ADAD1: variants seen among roughly 807,000 people sequenced by gnomAD.
ADAD1 encodes adenosine deaminase domain-containing protein 1.
Under a neutral mutation model 66.8 loss-of-function variants are expected in ADAD1, and 46 were observed. That is an observed-to-expected ratio of 0.69 (90% confidence interval 0.54 to 0.88). The LOEUF is 0.88. ADAD1 is among the 40% of genes least tolerant of loss of function. The probability of loss-of-function intolerance (pLI) is 0.00; values close to 1 mark genes in which losing one functional copy is unlikely to be tolerated. For missense variants in ADAD1, 617 were observed against 681.8 expected (o/e 0.91, Z 1.06); for synonymous variants, 248 against 229.4 (o/e 1.08, Z -0.73).
intron 5 of ADAD1, among the ~76,000 whole-genome samples, chr4:122,387,783 G>A (rs918846072): frequency 4.0e-5 from 6 of 149,126 alleles, no homozygotes; most frequent in Admixed American, 6.7e-5. Context: ...TTTTTGAGAC[G>A]GAGTCTTGCT....
At chr4:122,407,399 G>GT (rs1213446077) in intron 7 of ADAD1, among the ~76,000 whole-genome samples, 3 of 152,148 alleles carry the variant, frequency 2.0e-5, no homozygotes, top group African/African-American at 7.2e-5. Flanking sequence ...ATGGAGCAAA[G>GT]TTACTGGAAA....
At chr4:122,400,420 G>A (rs773196892) in intron 7 of ADAD1, among the ~76,000 whole-genome samples, 36 of 151,828 alleles carry the variant, frequency 2.4e-4, no homozygotes, top group Non-Finnish European at 4.4e-5. Context: ...TTTTTGTTGA[G>A]GATTTTTGCA....
chr4:122,394,556 G>T (rs2150551314), intron 6 of ADAD1, among the ~76,000 whole-genome samples: 1 of 152,262 alleles, frequency 6.6e-6, no homozygotes, highest in Middle Eastern at 3.4e-3. Context: ...GAAGTAAAAG[G>T]ACCAGACCAG....
intron 12 of ADAD1, among the ~76,000 whole-genome samples, chr4:122,425,710 G>T (rs1239768736): frequency 6.6e-6 from 1 of 151,848 alleles, no homozygotes; most frequent in East Asian, 1.9e-4. Context: ...ATCTAGGGAT[G>T]ATTTAAAGTA....
rs78043801 is a variant in ADAD1, at chr4:122,395,752, A to G, written c.599-500A>G. ...TGGTAATCCTGGGTTACTTAGAGCT[A>G]TCCTCCTCCTCTTTCAAAATTTCTG... On this transcript the variant is annotated intron_variant, in intron 6 of 12. Coordinates refer to ENST00000296513, the MANE Select transcript of ADAD1 (RefSeq NM_139243.4). 7.3e-3 allele frequency among the ~76,000 whole-genome samples: 1,111 copies of G among 152,236 alleles called. 10 individuals carry two copies. The highest frequency in any genetic ancestry group is 0.029 in the South Asian group (138 of 4,824).
chr4:122,385,895 G>A (rs772295287), intron 5 of ADAD1, among the ~76,000 whole-genome samples: 7 of 152,150 alleles, frequency 4.6e-5, no homozygotes, highest in Non-Finnish European at 7.4e-5. Flanking sequence ...TGGCCGCATA[G>A]TATTCCATGG....
chr4:122,417,649 C>G (rs1314507563), intron 11 of ADAD1, among the ~76,000 whole-genome samples: 1 of 152,082 alleles, frequency 6.6e-6, no homozygotes, highest in East Asian at 1.9e-4. Context: ...TTTTAAATAA[C>G]AGTAAGGTAG....
intron 7 of ADAD1, among the ~76,000 whole-genome samples, chr4:122,406,479 T>C (rs184817347): frequency 3.9e-4 from 60 of 152,346 alleles, no homozygotes; most frequent in Non-Finnish European, 6.0e-4. Flanking sequence ...ATTGGAGATA[T>C]GGTTTGCAAA....
At chr4:122,383,775 A>G in intron 4 of ADAD1, 24 bp from the exon 5 acceptor site, 5 of 1,566,866 alleles carry the variant, frequency 3.2e-6, no homozygotes, top group Non-Finnish European at 4.3e-6. Flanking sequence ...TTATTGTAGC[A>G]TTCATTCTGA....
chr4:122,380,323 T>C, intron 3 of ADAD1, 82 bp downstream of exon 3: 1 of 1,490,632 alleles, frequency 6.7e-7, no homozygotes, highest in Non-Finnish European at 9.0e-7. Flanking sequence ...GTCTCTGGTT[T>C]AAAGGTTTCG....
chr4:122,428,027 G>A (rs1227473417), intron 12 of ADAD1, among the ~76,000 whole-genome samples: 1 of 152,050 alleles, frequency 6.6e-6, no homozygotes, highest in Non-Finnish European at 1.5e-5. Flanking sequence ...AATTCTATGG[G>A]AGAATCATTT....
At chr4:122,384,085 G>GA in intron 5 of ADAD1, 119 bp downstream of exon 5, 1 of 969,206 alleles carries the variant, frequency 1.0e-6, no homozygotes, top group East Asian at 2.7e-5. Context: ...TGCAGGATTT[G>GA]AATAATTTAT....
chr4:122,416,736 AAG>A (rs1796753986), intron 11 of ADAD1, among the ~76,000 whole-genome samples: 1 of 151,804 alleles, frequency 6.6e-6, no homozygotes, highest in Admixed American at 6.6e-5. Flanking sequence ...CTATCTCAAA[AAG>A]GGAAAAAAAA....
At chr4:122,394,639 A>G (rs1224308725) in intron 6 of ADAD1, among the ~76,000 whole-genome samples, 1 of 152,216 alleles carries the variant, frequency 6.6e-6, no homozygotes, top group Non-Finnish European at 1.5e-5. Flanking sequence ...CAGTTGTAAG[A>G]ACTGATGAAG....
intron 7 of ADAD1, among the ~76,000 whole-genome samples, chr4:122,399,852 G>A (rs1478976718): frequency 2.1e-5 from 3 of 146,114 alleles, no homozygotes; most frequent in Non-Finnish European, 4.5e-5. Context: ...CATTGATTTT[G>A]TATCCTGGAA....
At chr4:122,405,972 G>T (rs1436159662) in intron 7 of ADAD1, among the ~76,000 whole-genome samples, 1 of 152,046 alleles carries the variant, frequency 6.6e-6, no homozygotes, top group Non-Finnish European at 1.5e-5. Flanking sequence ...TTCTTTATCT[G>T]TTCCTTTATT....
chr4:122,411,945 C>T (rs533886356), intron 9 of ADAD1, among the ~76,000 whole-genome samples: 2 of 152,178 alleles, frequency 1.3e-5, no homozygotes, highest in African/African-American at 2.4e-5. Context: ...CATACAAATA[C>T]GAGAGTTAAG....
intron 12 of ADAD1, among the ~76,000 whole-genome samples, chr4:122,423,313 GC>G (rs973764981): frequency 1.3e-5 from 2 of 152,208 alleles, no homozygotes; most frequent in African/African-American, 4.8e-5. Flanking sequence ...CAAGTGGTAG[GC>G]CAACTAGCAA....
chr4:122,406,383 G>C (rs1191023700), intron 7 of ADAD1, among the ~76,000 whole-genome samples: 1 of 152,028 alleles, frequency 6.6e-6, no homozygotes, highest in African/African-American at 2.4e-5. Flanking sequence ...GTCTGTTCAG[G>C]TTCTGTTTCC....
Sources: gnomAD v4.1 joint callset for allele counts (sites outside exome capture counted in the v4.1 genomes callset) on GRCh38, gnomAD v4.1.1 for gene constraint, MANE v1.5 for transcripts, NCBI Gene and HGNC (gene_info 2026-07-23, HGNC 2026-07-21) for gene names.